Variants in CDC26 observed in about 807,000 individuals in gnomAD.
CDC26 encodes the protein anaphase-promoting complex subunit CDC26.
CDC26 carries 2 observed loss-of-function variants against 8.0 expected under a neutral mutation model. The ratio of observed to expected loss-of-function variants is 0.25; its 90% CI spans 0.10 to 0.79. The LOEUF is 0.79. Among genes scored for constraint, CDC26 ranks in the 30% least tolerant of loss-of-function variants. The pLI, the probability that CDC26 is intolerant of heterozygous loss-of-function variation, is 0.70. For synonymous variants in CDC26, 19 were observed against 34.9 expected (o/e 0.55, Z 1.60); for missense variants, 68 against 106.0 (o/e 0.64, Z 1.57).
At chr9:113,267,626 C>T (rs567044554) in intron 3 of CDC26, among the ~76,000 whole-genome samples, 187 bp from the exon 4 acceptor site, 1 of 152,112 alleles carries the variant, frequency 6.6e-6, no homozygotes, top group Admixed American at 6.6e-5. Flanking sequence ...AGTTGTAACC[C>T]CTGATCACTT....
At chr9:113,272,894 G>A (rs952955956) in intron 2 of CDC26, among the ~76,000 whole-genome samples, 2 of 152,038 alleles carry the variant, frequency 1.3e-5, no homozygotes, top group African/African-American at 4.8e-5. Flanking sequence ...ATCTCTCTCT[G>A]ATGCCCAGGC....
At chr9:113,269,198 G>A (rs1217721157) in intron 3 of CDC26, among the ~76,000 whole-genome samples, 1 of 151,822 alleles carries the variant, frequency 6.6e-6, no homozygotes, top group African/African-American at 2.4e-5. Context: ...CTCCAGCCAG[G>A]GCGACAGAGC....
intron 3 of CDC26, among the ~76,000 whole-genome samples, chr9:113,269,085 G>A (rs1831911433): frequency 6.6e-6 from 1 of 152,152 alleles, no homozygotes; most frequent in African/African-American, 2.4e-5. Context: ...GCCAGGCATG[G>A]TGGCGCATGC....
intron 1 of CDC26, among the ~76,000 whole-genome samples, chr9:113,274,857 T>C (rs1378987855): frequency 1.3e-5 from 2 of 152,192 alleles, no homozygotes; most frequent in African/African-American, 4.8e-5. Flanking sequence ...CATGAGGATC[T>C]GGCCAGCTAG....
intron 3 of CDC26, 148 bp downstream of exon 3, chr9:113,272,279 C>A: frequency 1.6e-6 from 1 of 623,788 alleles, no homozygotes; most frequent in Non-Finnish European, 2.8e-6. Flanking sequence ...ATGAGCTGGG[C>A]GTGCTGGCAT....
chr9:113,273,142 C>T (rs1408780470), intron 2 of CDC26, among the ~76,000 whole-genome samples, 187 bp downstream of exon 2: 1 of 152,212 alleles, frequency 6.6e-6, no homozygotes, highest in Non-Finnish European at 1.5e-5. Context: ...ACTTTAATCT[C>T]ATGTTCCAGT....
chr9:113,272,602 CA>C (rs1831977205), intron 2 of CDC26, 54 bp from the exon 3 acceptor site: 1 of 822,640 alleles, frequency 1.2e-6, no homozygotes, highest in Non-Finnish European at 2.0e-6. Flanking sequence ...GTCTCAGATA[CA>C]AAACATAAAA....
In CDC26 at chr9:113,273,845, A is replaced by AAAAAG. The variant is rs1186886459; in HGVS notation, c.-151-408_-151-407insCTTTT. ...TCAAAAAAAAAAAAAAAAAAAAAAA[A>AAAAAG]AGGCTCAAGAGAGCATTCCACAGCC... On this transcript the variant is annotated intron_variant, in intron 1 of 3. Coordinates refer to ENST00000374206, the MANE Select transcript of CDC26 (RefSeq NM_139286.4). Among the ~76,000 whole-genome samples the AAAAAG allele has an allele frequency of 8.6e-4, 124 of 143,558 alleles. 2 individuals are homozygous for AAAAAG. Among genetic ancestry groups the AAAAAG allele is most frequent in the African/African-American group, 3.0e-3 (113 of 37,502 alleles). The allele number at this position is 143,558 out of a possible 152,430, so 94.2% of individuals were successfully genotyped here.
intron 3 of CDC26, among the ~76,000 whole-genome samples, chr9:113,271,717 C>A (rs1363150557): frequency 6.6e-6 from 1 of 152,192 alleles, no homozygotes; most frequent in Non-Finnish European, 1.5e-5. Flanking sequence ...GTTACAGCAG[C>A]CACAGGAGAC....
At chr9:113,268,231 G>A (rs1831895464) in intron 3 of CDC26, among the ~76,000 whole-genome samples, 1 of 152,150 alleles carries the variant, frequency 6.6e-6, no homozygotes, top group Non-Finnish European at 1.5e-5. Context: ...CTAGAGAATA[G>A]AAAAATAAAT....
At chr9:113,267,965 G>A (rs187865618) in intron 3 of CDC26, among the ~76,000 whole-genome samples, 52 of 152,162 alleles carry the variant, frequency 3.4e-4, no homozygotes, top group African/African-American at 1.1e-3. Flanking sequence ...CCAGCCTGGC[G>A]ACAGAGCGAG....
At position 113,269,587 on chromosome 9, in the gene CDC26, G is replaced by C. The variant is rs192708305; in HGVS notation, c.82-2148C>G. Among the ~76,000 whole-genome samples the C allele has an allele frequency of 1.0e-3, 158 of 152,190 alleles. 1 individual carries two copies. Among genetic ancestry groups the C allele is most frequent in the Non-Finnish European group, 1.8e-3 (119 of 67,994 alleles). On this transcript the variant is annotated intron_variant, in intron 3 of 3. Coordinates refer to ENST00000374206, the MANE Select transcript of CDC26 (RefSeq NM_139286.4). Reference sequence around the variant, plus strand: ...TGCTTCCTAAGTTACTCTAAAACAAGGTAAAACCCACTAGATAACTGTCTT... The same window carrying C: ...TGCTTCCTAAGTTACTCTAAAACAACGTAAAACCCACTAGATAACTGTCTT...
chr9:113,267,845 G>A (rs1271177404), intron 3 of CDC26, among the ~76,000 whole-genome samples: 1 of 152,106 alleles, frequency 6.6e-6, no homozygotes, highest in East Asian at 1.9e-4. Flanking sequence ...AAATTAGCTG[G>A]GCATGGTGGC....
chr9:113,272,471 G>A lies in CDC26; in HGVS notation c.37C>T (p.Leu13Phe), dbSNP rs765575057. Residue 13 changes from leucine to phenylalanine, a missense_variant, in exon 3 of 4, where the codon CTT (leucine) becomes TTT (phenylalanine). Leu to Phe is a conservative substitution (Grantham distance 22). Transcript: ENST00000374206. ...RRKPTRLELK[L>F]DDIEEFENIR... The stretch of plus-strand genomic sequence containing the variant: ...TTCTCAAACTCTTCAATGTCATCAA[G>A]CTTTAGCTCTAGGCGTGTTGGTTTC... 1.2e-6 allele frequency: 2 copies of A among 1,613,218 alleles called. No individual in the cohort carries two copies. Among genetic ancestry groups the A allele is most frequent in the Non-Finnish European group, 8.5e-7 (1 of 1,179,632 alleles).
chr9:113,268,717 A>G (rs947625504), intron 3 of CDC26, among the ~76,000 whole-genome samples: 3 of 151,992 alleles, frequency 2.0e-5, no homozygotes, highest in African/African-American at 7.3e-5. Flanking sequence ...GGAGTGTGAC[A>G]CTAGCCTGGG....
intron 2 of CDC26, 68 bp from the exon 3 acceptor site, chr9:113,272,616 A>G: frequency 1.3e-6 from 1 of 778,664 alleles, no homozygotes; most frequent in Non-Finnish European, 2.2e-6. Flanking sequence ...ACATAAAATC[A>G]ATTTGCAAGC....
chr9:113,274,940 GC>G (rs1422984997), intron 1 of CDC26, among the ~76,000 whole-genome samples: 1 of 152,122 alleles, frequency 6.6e-6, no homozygotes, highest in Non-Finnish European at 1.5e-5. Context: ...CGTCTCTAAT[GC>G]CCCAGCATCC....
chr9:113,267,506 C>T, intron 3 of CDC26, 67 bp from the exon 4 acceptor site: 1 of 1,535,680 alleles, frequency 6.5e-7, no homozygotes, highest in Middle Eastern at 1.8e-4. Context: ...ATTTAGAACA[C>T]CTACCATGTA....
chr9:113,269,227 T>TA (rs923282081), intron 3 of CDC26, among the ~76,000 whole-genome samples: 19 of 143,794 alleles, frequency 1.3e-4, no homozygotes, highest in African/African-American at 4.6e-4. Flanking sequence ...GTCTCAACAA[T>TA]AAAAATAAAA....
Sources: gnomAD v4.1 joint callset for allele counts (sites outside exome capture counted in the v4.1 genomes callset) on GRCh38, gnomAD v4.1.1 for gene constraint, MANE v1.5 for transcripts, NCBI Gene and HGNC (gene_info 2026-07-23, HGNC 2026-07-21) for gene names.